Variants in NLRP14 observed in about 807,000 individuals in gnomAD.
NLRP14 encodes the protein NACHT, LRR and PYD domains-containing protein 14.
In NLRP14, 105 loss-of-function variants were observed where a neutral mutation model predicts 94.7. The observed-to-expected ratio is 1.11, with a 90% CI of 0.95 to 1.30. The LOEUF (loss-of-function observed/expected upper bound fraction) is 1.30, where lower values mean the gene tolerates loss of function less well. Among genes scored for constraint, NLRP14 ranks in the 50% most tolerant of loss-of-function variants. NLRP14 has a pLI of 0.00. For missense variants in NLRP14, 1,362 were observed against 1,254.1 expected, an observed-to-expected ratio of 1.09 and a Z score of -1.30; for synonymous variants, 508 against 459.9, an observed-to-expected ratio of 1.10 and a Z score of -1.34.
At chr11:7,073,589 T>G (rs1196836967), downstream of NLRP14, among the ~76,000 whole-genome samples, 2 of 152,230 alleles carry the variant, frequency 1.3e-5, no homozygotes, top group African/African-American at 4.8e-5. Context: ...GGTTGTGACC[T>G]GTTCTTCTGA....
chr11:7,042,711 T>A lies in NLRP14; in HGVS notation c.685T>A (p.Phe229Ile), dbSNP rs893705521. 2.5e-6 allele frequency: 4 copies of A among 1,614,082 alleles called. No homozygotes were observed. The African/African-American group carries it at 4.0e-5, about 16-fold the overall frequency. Residue 229 changes from phenylalanine to isoleucine, a missense_variant, in exon 4 of 12, where the codon TTT becomes ATT. Transcript: ENST00000299481. ...REINQLKERS[F>I]AQLISKDWPS... The stretch of plus-strand genomic sequence containing the variant: ...AATTAACCAGCTGAAAGAGAGAAGC[T>A]TTGCTCAATTGATATCAAAGGACTG...
the NLRP14 span, chr11:7,090,595 T>A: frequency 2.3e-6 from 1 of 435,216 alleles, no homozygotes; most frequent in Admixed American, 3.7e-5. Flanking sequence ...GCTTCTTCCC[T>A]TGTAAATTTT....
downstream of NLRP14, among the ~76,000 whole-genome samples, chr11:7,075,276 C>G (rs1419716346): frequency 2.6e-5 from 4 of 152,132 alleles, no homozygotes; most frequent in Non-Finnish European, 5.9e-5. Context: ...ATGAATGTCA[C>G]TTATGACTAT....
At chr11:7,060,135 G>T (rs1407012386) in intron 9 of NLRP14, 71 bp downstream of exon 9, 2 of 1,304,442 alleles carry the variant, frequency 1.5e-6, no homozygotes, top group East Asian at 2.3e-5. Flanking sequence ...TGAAAGAAAG[G>T]CTGAGAACCG....
chr11:7,058,257 C>T, intron 7 of NLRP14, 23 bp from the exon 8 acceptor site: 2 of 1,606,948 alleles, frequency 1.2e-6, no homozygotes, highest in Non-Finnish European at 1.7e-6. Context: ...TGACAGATCT[C>T]TTCTCATCTC....
At chr11:7,039,406 G>C (rs1048050922) in intron 2 of NLRP14, among the ~76,000 whole-genome samples, 2 of 151,336 alleles carry the variant, frequency 1.3e-5, no homozygotes, top group African/African-American at 4.9e-5. Context: ...TATCTCCTTT[G>C]CACCTCACCG....
downstream of NLRP14, among the ~76,000 whole-genome samples, chr11:7,072,761 G>A (rs1472612115): frequency 6.6e-6 from 1 of 152,202 alleles, no homozygotes; most frequent in African/African-American, 2.4e-5. Flanking sequence ...TTTGCACACA[G>A]TTGAAACTTT....
chr11:7,028,382 A>G (rs1185207556), intron 1 of NLRP14, among the ~76,000 whole-genome samples: 3 of 152,078 alleles, frequency 2.0e-5, no homozygotes, highest in African/African-American at 7.2e-5. Context: ...CCAGAATATG[A>G]CTACTTTCAG....
intron 3 of NLRP14, among the ~76,000 whole-genome samples, chr11:7,041,697 A>T (rs1852252834): frequency 1.3e-5 from 2 of 152,188 alleles, no homozygotes; most frequent in South Asian, 4.1e-4. Flanking sequence ...GTAGCTAGTG[A>T]CATGTACTGT....
At chr11:7,084,840 T>C in the NLRP14 span, among the ~76,000 whole-genome samples, 1 of 152,156 alleles carries the variant, frequency 6.6e-6, no homozygotes, top group Admixed American at 6.5e-5. Flanking sequence ...GTGTAGGTCA[T>C]CTGGGGATCC....
rs1852795669 is a variant in NLRP14, at chr11:7,071,361, T to C, written c.*53T>C. 6.8e-7 allele frequency: 1 copy of C among 1,467,246 alleles called. No individual in the cohort carries two copies. The highest frequency in any genetic ancestry group is 9.4e-7 in the Non-Finnish European group (1 of 1,063,366). The allele number at this position is 1,467,246 out of a possible 1,614,324, so 90.9% of individuals were successfully genotyped here. A position where few individuals can be genotyped will look rare whatever the true frequency, so the allele number is the denominator to read the frequency against. On this transcript the variant is annotated 3_prime_UTR_variant, in exon 12 of 12. Transcript: ENST00000299481. Reference sequence around the variant, plus strand: ...ATATAAATATAAATACATACATACATAGATATATACCCAGACTTGGGTGCT... The same window carrying C: ...ATATAAATATAAATACATACATACACAGATATATACCCAGACTTGGGTGCT...
chr11:7,057,587 A>C, intron 6 of NLRP14, 90 bp from the exon 7 acceptor site: 1 of 1,252,568 alleles, frequency 8.0e-7, no homozygotes, highest in East Asian at 2.3e-5. Context: ...TCCAAAGATT[A>C]GGAAACTTCC....
the NLRP14 span, chr11:7,090,355 A>G: frequency 3.3e-5 from 50 of 1,526,566 alleles, no homozygotes; most frequent in Admixed American, 8.2e-4. Context: ...CAAAAAGAAG[A>G]ACCTGTTGTA....
chr11:7,030,355 A>C (rs1242932827), intron 1 of NLRP14, among the ~76,000 whole-genome samples: 2 of 152,236 alleles, frequency 1.3e-5, no homozygotes, highest in African/African-American at 4.8e-5. Context: ...TGTTCCTTAA[A>C]TATATCGAGT....
At chr11:7,036,324 G>A (rs7119717) in intron 1 of NLRP14, among the ~76,000 whole-genome samples, 142,901 of 152,246 alleles carry the variant, frequency 0.94, 67,744 homozygotes, top group East Asian at 1. Flanking sequence ...AAATTCCTTC[G>A]AGGACAGCGT....
At position 7,021,751 on chromosome 11, in the gene NLRP14, C is replaced by G. The variant is rs554658566; in HGVS notation, c.-22+981C>G. On this transcript the variant is annotated intron_variant, in intron 1 of 11. Coordinates refer to ENST00000299481, the MANE Select transcript of NLRP14 (RefSeq NM_176822.4). ...TGTGCTGCACCCATTAAATCTGTCTCTGCATTCAGTAATTCAACTATCAAT... is the reference window on the plus strand; with the variant it reads ...TGTGCTGCACCCATTAAATCTGTCTGTGCATTCAGTAATTCAACTATCAAT... 2.0e-5 allele frequency among the ~76,000 whole-genome samples: 3 copies of G among 151,712 alleles called. No homozygotes were observed. The East Asian group carries it at 5.8e-4, about 29-fold the overall frequency.
intron 6 of NLRP14, among the ~76,000 whole-genome samples, chr11:7,053,764 T>C (rs1852477729): frequency 1.3e-5 from 2 of 152,070 alleles, no homozygotes; most frequent in South Asian, 2.1e-4. Flanking sequence ...AAATGGGGTA[T>C]CTATCACCTC....
At chr11:7,038,526 T>C (rs1852193331) in intron 1 of NLRP14, 40 bp from the exon 2 acceptor site, 2 of 1,493,558 alleles carry the variant, frequency 1.3e-6, no homozygotes, top group Non-Finnish European at 1.9e-6. Context: ...TGTGTCCCAT[T>C]TATTCCATGT....
downstream of NLRP14, among the ~76,000 whole-genome samples, chr11:7,072,415 GT>G (rs1852814478): frequency 6.6e-6 from 1 of 152,238 alleles, no homozygotes; most frequent in African/African-American, 2.4e-5. Context: ...GCAGAAGTAG[GT>G]TTAAAGCAGA....
Sources: gnomAD v4.1 joint callset for allele counts (sites outside exome capture counted in the v4.1 genomes callset) on GRCh38, gnomAD v4.1.1 for gene constraint, MANE v1.5 for transcripts, NCBI Gene and HGNC (gene_info 2026-07-23, HGNC 2026-07-21) for gene names.